TTLL11: variants seen among roughly 807,000 people sequenced by gnomAD.
TTLL11 encodes the protein tubulin polyglutamylase TTLL11.
Under a neutral mutation model 51.7 loss-of-function variants are expected in TTLL11, and 42 were observed. That is an observed-to-expected ratio of 0.81 (90% CI 0.64 to 1.05). TTLL11 has a LOEUF of 1.05. TTLL11 is among the 50% of genes least tolerant of loss of function. TTLL11 has a pLI of 0.00. For missense variants in TTLL11, 799 were observed against 940.4 expected (o/e 0.85, Z 1.97); for synonymous variants, 381 against 383.5 (o/e 0.99, Z 0.08).
At chr9:121,899,386 TATATATATATATATATACACACAC>T (rs1564295409) in intron 6 of TTLL11, among the ~76,000 whole-genome samples, 2 of 105,748 alleles carry the variant, frequency 1.9e-5, no homozygotes, top group African/African-American at 6.0e-5. Flanking sequence ...TACATATATA[TATATATATATATATATACACACAC>T]ACACACATTT....
intron 6 of TTLL11, among the ~76,000 whole-genome samples, chr9:121,883,087 G>C (rs1031065993): frequency 1.3e-5 from 2 of 152,158 alleles, no homozygotes; most frequent in African/African-American, 4.8e-5. Context: ...AATGGGCAGG[G>C]TGACCTTTGG....
intron 1 of TTLL11, among the ~76,000 whole-genome samples, chr9:122,087,271 G>A (rs1321633332): frequency 6.6e-6 from 1 of 151,854 alleles, no homozygotes; most frequent in Non-Finnish European, 1.5e-5. Flanking sequence ...GTGCAGTGGT[G>A]CGATTTCAGC....
chr9:121,934,543 T>C (rs376691813), intron 6 of TTLL11, among the ~76,000 whole-genome samples: 42 of 152,336 alleles, frequency 2.8e-4, no homozygotes, highest in African/African-American at 9.1e-4. Flanking sequence ...GGTGCAAATG[T>C]TGTTGGCTGT....
chr9:121,868,367 A>G (rs1661826894), intron 7 of TTLL11, among the ~76,000 whole-genome samples: 1 of 152,206 alleles, frequency 6.6e-6, no homozygotes, highest in Non-Finnish European at 1.5e-5. Flanking sequence ...CACTATGCAC[A>G]GTTAGAATAA....
intron 4 of TTLL11, among the ~76,000 whole-genome samples, chr9:121,979,268 T>C (rs555861668): frequency 5.3e-5 from 8 of 152,230 alleles, no homozygotes; most frequent in Non-Finnish European, 8.8e-5. Context: ...GGAGGAGCTT[T>C]CCCCAGTCAA....
At chr9:121,998,660 A>C (rs947394942) in intron 3 of TTLL11, among the ~76,000 whole-genome samples, 1 of 151,958 alleles carries the variant, frequency 6.6e-6, no homozygotes, top group Non-Finnish European at 1.5e-5. Context: ...CCTCCCTCCC[A>C]GTGCTCTTTT....
chr9:121,961,779 G>A (rs920054674), intron 6 of TTLL11, among the ~76,000 whole-genome samples: 56 of 152,216 alleles, frequency 3.7e-4, no homozygotes, highest in African/African-American at 1.3e-3. Context: ...AAATAGGCCA[G>A]GTGCCATGGC....
intron 6 of TTLL11, among the ~76,000 whole-genome samples, chr9:121,873,382 C>CTTTTTTT (rs71370697): frequency 9.0e-6 from 1 of 110,568 alleles, no homozygotes; most frequent in Non-Finnish European, 1.8e-5. Context: ...TCTTCTTCTC[C>CTTTTTTT]TTTTTTTTTT....
intron 1 of TTLL11, among the ~76,000 whole-genome samples, chr9:122,069,727 TC>T (rs1276695012): frequency 6.6e-6 from 1 of 151,908 alleles, no homozygotes; most frequent in Non-Finnish European, 1.5e-5. Context: ...GGGATGGGAC[TC>T]CGAGGGAGTG....
At chr9:121,939,383 G>C (rs370897142) in intron 6 of TTLL11, among the ~76,000 whole-genome samples, 5 of 152,108 alleles carry the variant, frequency 3.3e-5, no homozygotes, top group African/African-American at 4.8e-5. Flanking sequence ...AAGCAAAAAG[G>C]CTGGTTGCCA....
At chr9:122,027,727 A>C (rs1844391487) in intron 3 of TTLL11, among the ~76,000 whole-genome samples, 1 of 152,248 alleles carries the variant, frequency 6.6e-6, no homozygotes, top group Non-Finnish European at 1.5e-5. Flanking sequence ...GGAATTTGTC[A>C]CCAGCAGACC....
At chr9:122,019,887 TCTGA>T (rs1410845801) in intron 3 of TTLL11, among the ~76,000 whole-genome samples, 2 of 152,256 alleles carry the variant, frequency 1.3e-5, no homozygotes, top group Non-Finnish European at 2.9e-5. Flanking sequence ...TCTCACAAGA[TCTGA>T]CTGTTTTATA....
chr9:121,993,639 T>C (rs572557209), intron 3 of TTLL11, among the ~76,000 whole-genome samples: 9 of 152,320 alleles, frequency 5.9e-5, no homozygotes, highest in Admixed American at 2.0e-4. Context: ...ATCAGCACAT[T>C]GGGATGATCT....
chr9:122,091,169 T>C (rs1247846623), intron 1 of TTLL11, among the ~76,000 whole-genome samples: 1 of 152,168 alleles, frequency 6.6e-6, no homozygotes, highest in African/African-American at 2.4e-5. Flanking sequence ...TATGTCTCTC[T>C]CTCCCACAGG....
At chr9:121,836,762 A>C (rs2119135287) in intron 8 of TTLL11, among the ~76,000 whole-genome samples, 1 of 152,280 alleles carries the variant, frequency 6.6e-6, no homozygotes, top group East Asian at 1.9e-4. Flanking sequence ...ACAAAGGAAG[A>C]AGCAAGTCAT....
At chr9:122,052,123 T>A (rs1256426686) in intron 1 of TTLL11, among the ~76,000 whole-genome samples, 1 of 152,104 alleles carries the variant, frequency 6.6e-6, no homozygotes, top group Non-Finnish European at 1.5e-5. Context: ...GGAACACAGT[T>A]CTATCTGCCA....
intron 6 of TTLL11, among the ~76,000 whole-genome samples, chr9:121,959,006 GC>G (rs1339746577): frequency 6.6e-6 from 1 of 152,008 alleles, no homozygotes; most frequent in African/African-American, 2.4e-5. Flanking sequence ...GCTTCTTAAG[GC>G]CCCCAAGGCA....
At chr9:121,944,498 C>A (rs985483790) in intron 6 of TTLL11, among the ~76,000 whole-genome samples, 2 of 139,246 alleles carry the variant, frequency 1.4e-5, no homozygotes, top group African/African-American at 5.0e-5. Context: ...CAGAGTGAGA[C>A]TCCATCTCAA....
intron 8 of TTLL11, among the ~76,000 whole-genome samples, chr9:121,849,745 T>A (rs1403547719): frequency 1.3e-5 from 2 of 152,158 alleles, no homozygotes; most frequent in African/African-American, 4.8e-5. Flanking sequence ...CTGAGTACAC[T>A]AAGTGTTGAC....
Sources: gnomAD v4.1 joint callset for allele counts (sites outside exome capture counted in the v4.1 genomes callset) on GRCh38, gnomAD v4.1.1 for gene constraint, MANE v1.5 for transcripts, NCBI Gene and HGNC (gene_info 2026-07-23, HGNC 2026-07-21) for gene names.